Variants in SCD5 observed in about 807,000 individuals in gnomAD.
The protein encoded by SCD5 is stearoyl-CoA desaturase 5.
Under a neutral mutation model 30.4 loss-of-function variants are expected in SCD5, and 20 were observed. The observed-to-expected ratio is 0.66, with a 90% CI of 0.46 to 0.96. SCD5 has a LOEUF of 0.96. Ranked by LOEUF, SCD5 falls within the 40% of genes least tolerant of loss-of-function variation. The pLI is 0.00. For missense variants in SCD5, 381 were observed against 443.3 expected (o/e 0.86, Z 1.26); for synonymous variants, 173 against 176.4 (o/e 0.98, Z 0.16).
rs374800488 is a variant in SCD5, at chr4:82,699,881, C to T, written c.363+5402G>A. Among the ~76,000 whole-genome samples, 16 of 151,604 alleles carry T rather than the reference C, an allele frequency of 1.1e-4. No individual in the cohort carries two copies. In the East Asian group the frequency reaches 1.4e-3, roughly 13 times the overall value. On this transcript the variant is annotated intron_variant, in intron 2 of 4. Transcript: ENST00000319540. ...TTCACCATGTTGGCCAGGATGGTCT[C>T]GATCTCTTGACCTCGTAATCCGCCT... is the stretch of plus-strand genomic sequence containing the variant.
At chr4:82,762,343 C>A (rs1226306174) in intron 1 of SCD5, among the ~76,000 whole-genome samples, 1 of 151,860 alleles carries the variant, frequency 6.6e-6, no homozygotes, top group Admixed American at 6.5e-5. Flanking sequence ...ACCTCCACCT[C>A]CCGGGTTCAA....
Position 82,712,299 on chromosome 4 carries a change from TTATTTTTATTTTA to T in SCD5, c.233-6899_233-6887del, listed in dbSNP as rs1473465315. On this transcript the variant is annotated intron_variant, in intron 1 of 4. Coordinates refer to ENST00000319540, the MANE Select transcript of SCD5 (RefSeq NM_001037582.3). ...ATATATATATATATATATATATATTTTATTTTTATTTTATTTTTTTTTTTTGAGATGAAGTCTC... is the reference window on the plus strand; with the variant it reads ...ATATATATATATATATATATATATTTTTTTTTTTTTTTGAGATGAAGTCTC... 4.1e-4 allele frequency among the ~76,000 whole-genome samples: 13 copies of T among 32,030 alleles called. 2 individuals are homozygous for T. Among genetic ancestry groups the T allele is most frequent in the African/African-American group, 1.1e-3 (10 of 8,752 alleles). The allele number at this position is 32,030 out of a possible 152,430, so 21.0% of individuals were successfully genotyped here. A position where few individuals can be genotyped will look rare whatever the true frequency, so the allele number is the denominator to read the frequency against.
chr4:82,790,507 C>T (rs72925440), intron 1 of SCD5, among the ~76,000 whole-genome samples: 3,189 of 152,236 alleles, frequency 0.021, 105 homozygotes, highest in African/African-American at 0.072. Flanking sequence ...CCAGCCTCTC[C>T]ACGACCAGCC....
At chr4:82,664,182 G>C (rs1468161738) in intron 3 of SCD5, among the ~76,000 whole-genome samples, 1 of 152,128 alleles carries the variant, frequency 6.6e-6, no homozygotes, top group Admixed American at 6.6e-5. Flanking sequence ...GGCACATCAG[G>C]CTCTAAGCAC....
intron 1 of SCD5, among the ~76,000 whole-genome samples, chr4:82,794,936 C>A (rs1458975409): frequency 6.6e-6 from 1 of 152,164 alleles, no homozygotes; most frequent in Non-Finnish European, 1.5e-5. Flanking sequence ...TAGGCGTGAG[C>A]CACCATGCCC....
rs113713050 is a variant in SCD5, at chr4:82,644,180, C to T, written c.570-7357G>A. Among the ~76,000 whole-genome samples the T allele has an allele frequency of 4.9e-3, 753 of 152,192 alleles. 9 individuals carry two copies. The highest frequency in any genetic ancestry group is 0.017 in the African/African-American group (707 of 41,520). On this transcript the variant is annotated intron_variant, in intron 3 of 4. Transcript: ENST00000319540. Reference sequence around the variant, plus strand: ...AGAGCTGCCTTGCCTGAGGTCATGCCCCTCCCCTAATGACTGCACATCGGT... The same window carrying T: ...AGAGCTGCCTTGCCTGAGGTCATGCTCCTCCCCTAATGACTGCACATCGGT...
intron 2 of SCD5, among the ~76,000 whole-genome samples, chr4:82,703,273 T>C (rs1461522126): frequency 6.6e-6 from 1 of 152,228 alleles, no homozygotes; most frequent in Admixed American, 6.5e-5. Flanking sequence ...AAGCTGTTCA[T>C]TTATTTTTTT....
At chr4:82,779,820 T>C (rs1241572242) in intron 1 of SCD5, among the ~76,000 whole-genome samples, 1 of 152,236 alleles carries the variant, frequency 6.6e-6, no homozygotes, top group African/African-American at 2.4e-5. Flanking sequence ...TTTTTCAGAT[T>C]TTTGTATAGT....
chr4:82,692,946 C>A (rs1384163727), intron 2 of SCD5, among the ~76,000 whole-genome samples: 1 of 152,164 alleles, frequency 6.6e-6, no homozygotes, highest in African/African-American at 2.4e-5. Flanking sequence ...CAGGGGGACC[C>A]AGGCAAGCCT....
At chr4:82,666,099 T>C (rs1728180316) in intron 3 of SCD5, among the ~76,000 whole-genome samples, 1 of 138,596 alleles carries the variant, frequency 7.2e-6, no homozygotes, top group Non-Finnish European at 1.5e-5. Flanking sequence ...AGCTAATTGT[T>C]AAAGGAAATA....
At chr4:82,682,554 C>T (rs983667493) in intron 2 of SCD5, among the ~76,000 whole-genome samples, 1 of 152,024 alleles carries the variant, frequency 6.6e-6, no homozygotes, top group Admixed American at 6.5e-5. Flanking sequence ...ATATTTTATA[C>T]CATAATATTC....
intron 3 of SCD5, among the ~76,000 whole-genome samples, chr4:82,673,595 A>C (rs1406463172): frequency 6.6e-6 from 1 of 152,200 alleles, no homozygotes; most frequent in African/African-American, 2.4e-5. Flanking sequence ...CTGGATCTAT[A>C]TTCAATGCAA....
intron 3 of SCD5, among the ~76,000 whole-genome samples, chr4:82,671,690 C>A (rs1300619339): frequency 2.0e-5 from 3 of 152,146 alleles, no homozygotes; most frequent in Non-Finnish European, 4.4e-5. Flanking sequence ...CCAGCCTAGA[C>A]AACATGGTGA....
chr4:82,689,604 A>G (rs1375114820), intron 2 of SCD5, among the ~76,000 whole-genome samples: 1 of 152,312 alleles, frequency 6.6e-6, no homozygotes, highest in Non-Finnish European at 1.5e-5. Context: ...CAAAATCACC[A>G]TTTTGCAGCT....
intron 2 of SCD5, among the ~76,000 whole-genome samples, chr4:82,682,406 T>A (rs752714840): frequency 2.6e-4 from 40 of 152,192 alleles, no homozygotes; most frequent in Non-Finnish European, 4.4e-4. Context: ...AATTTTTTTT[T>A]AAATCTGATG....
chr4:82,681,362 G>T (rs922550416), intron 2 of SCD5, among the ~76,000 whole-genome samples: 2 of 152,136 alleles, frequency 1.3e-5, no homozygotes, highest in African/African-American at 4.8e-5. Flanking sequence ...TTGCTATTGT[G>T]AATAGTGCTG....
chr4:82,673,718 C>T (rs1179319848), intron 3 of SCD5, among the ~76,000 whole-genome samples: 1 of 152,060 alleles, frequency 6.6e-6, no homozygotes, highest in African/African-American at 2.4e-5. Flanking sequence ...AGAAGAAGAA[C>T]AAAGTTGGAA....
intron 1 of SCD5, among the ~76,000 whole-genome samples, chr4:82,745,563 A>G (rs1278322208): frequency 6.6e-6 from 1 of 152,180 alleles, no homozygotes; most frequent in African/African-American, 2.4e-5. Context: ...GGTTTGTTAC[A>G]TAGTTAAAAT....
intron 1 of SCD5, among the ~76,000 whole-genome samples, chr4:82,763,227 C>A (rs944715999): frequency 6.6e-6 from 1 of 152,072 alleles, no homozygotes; most frequent in East Asian, 1.9e-4. Context: ...GAAGTGATTA[C>A]GTGGCCAGGC....
Sources: gnomAD v4.1 joint callset for allele counts (sites outside exome capture counted in the v4.1 genomes callset) on GRCh38, gnomAD v4.1.1 for gene constraint, MANE v1.5 for transcripts, NCBI Gene and HGNC (gene_info 2026-07-23, HGNC 2026-07-21) for gene names.